Variants in IL5RA observed in about 807,000 individuals in gnomAD.
IL5RA encodes the protein interleukin 5 receptor subunit alpha.
In IL5RA, 49 loss-of-function variants were observed where a neutral mutation model predicts 50.0. The observed-to-expected ratio is 0.98, with a 90% CI of 0.78 to 1.24. The LOEUF (loss-of-function observed/expected upper bound fraction) is 1.24. IL5RA is among the 50% of genes most tolerant of loss of function. IL5RA has a pLI of 0.00. For synonymous variants in IL5RA, 202 were observed against 174.0 expected (o/e 1.16, Z -1.26); for missense variants, 600 against 500.4 (o/e 1.20, Z -1.90).
At chr3:3,100,745 C>G (rs1298687509) in intron 5 of IL5RA, among the ~76,000 whole-genome samples, 1 of 152,150 alleles carries the variant, frequency 6.6e-6, no homozygotes, top group Non-Finnish European at 1.5e-5. Context: ...TTGACGTAAG[C>G]CACATACAAT....
At chr3:3,108,001 T>C (rs17883922) in intron 2 of IL5RA, among the ~76,000 whole-genome samples, 358 of 152,326 alleles carry the variant, frequency 2.4e-3, no homozygotes, top group Middle Eastern at 6.8e-3. Flanking sequence ...ACCCCTGTTT[T>C]TAAAACCTTT....
At chr3:3,096,256 T>C (rs1037926235) in intron 7 of IL5RA, among the ~76,000 whole-genome samples, 4 of 143,544 alleles carry the variant, frequency 2.8e-5, no homozygotes, top group African/African-American at 1.1e-4. Context: ...CCAACCTGGG[T>C]GACAGAGCAA....
intron 9 of IL5RA, among the ~76,000 whole-genome samples, chr3:3,076,887 T>G (rs1334730137): frequency 6.6e-6 from 1 of 152,246 alleles, no homozygotes; most frequent in Non-Finnish European, 1.5e-5. Flanking sequence ...GAATGATTTA[T>G]TCAATCAATC....
rs764519383 is a variant in IL5RA at position 3,102,679 on chromosome 3, T to A, written c.224A>T (p.Asp75Val). The A allele has an allele frequency of 9.1e-5, 145 of 1,584,850 alleles. No individual in the cohort carries two copies. Among genetic ancestry groups the A allele is most frequent in the Non-Finnish European group, 1.1e-4 (129 of 1,160,478 alleles). Reference sequence around the variant, plus strand: ...TCCATTAGAATAAACACTTACGTCATCTTCTTTTGGAGCGTTTATTTTCAC... The same window carrying A: ...TCCATTAGAATAAACACTTACGTCAACTTCTTTTGGAGCGTTTATTTTCAC... ...YQVKINAPKE[D>V]DYETRITESK... The change falls in exon 4 of 12, where the codon GAT (aspartate) becomes GTT (valine). Residue 75 changes from aspartate (D) to valine (V), a missense_variant. Physicochemically the swap from Asp to Val is radical, Grantham distance 152. Transcript: ENST00000446632.
chr3:3,092,744 T>C lies in IL5RA; in HGVS notation c.856-382A>G, dbSNP rs1417562908. 6.6e-6 allele frequency among the ~76,000 whole-genome samples: 1 copy of C among 152,196 alleles called. No homozygotes were observed. Among genetic ancestry groups the C allele is most frequent in the Non-Finnish European group, 1.5e-5 (1 of 68,038 alleles). ...ATAATGTCACATGAACGCTAGATTG[T>C]CTAGTGTTGAAATGAAGCTATTTTC... is the stretch of plus-strand genomic sequence containing the variant. On this transcript the variant is annotated intron_variant, in intron 8 of 11. Transcript: ENST00000446632. The surrounding 1 kb of genome is among the most constrained non-coding windows in gnomAD (Gnocchi z 4.2).
intron 7 of IL5RA, among the ~76,000 whole-genome samples, chr3:3,096,431 T>A (rs1703372046): frequency 6.6e-6 from 1 of 152,174 alleles, no homozygotes; most frequent in Non-Finnish European, 1.5e-5. Context: ...AGTGTCCTTG[T>A]CTTAGGTAAT....
At chr3:3,087,191 C>T (rs763408905) in intron 9 of IL5RA, among the ~76,000 whole-genome samples, 3 of 152,170 alleles carry the variant, frequency 2.0e-5, no homozygotes, top group Non-Finnish European at 4.4e-5. Flanking sequence ...TAACCAAAAA[C>T]CACTTGTACC....
chr3:3,101,938 G>C (rs949907036), intron 4 of IL5RA, 108 bp from the exon 5 acceptor site: 1 of 975,338 alleles, frequency 1.0e-6, no homozygotes, highest in South Asian at 1.9e-5. Context: ...TTAGTAAGAT[G>C]CAATGAAATA....
Position 3,092,154 on chromosome 3 carries a change from T to C in IL5RA, c.994+70A>G. ...ATTTTAAGACCCACGAGTGAACGGG[T>C]ACGTTTCTGGGATTACCTTTTTTGA... is the stretch of plus-strand genomic sequence containing the variant. On this transcript the variant is annotated intron_variant, in intron 9 of 11. Coordinates refer to ENST00000446632, the MANE Select transcript of IL5RA (RefSeq NM_175726.4). The surrounding 1 kb of genome is among the most constrained non-coding windows in gnomAD (Gnocchi z 4.2). 1 of 1,574,390 alleles carries C rather than the reference T, an allele frequency of 6.4e-7. No homozygotes were observed. The highest frequency in any genetic ancestry group is 1.2e-5 in the South Asian group (1 of 84,080).
Position 3,100,918 on chromosome 3 carries a change from G to A in IL5RA, c.367+774C>T, listed in dbSNP as rs187634971. Among the ~76,000 whole-genome samples, 504 of 151,554 alleles carry A rather than the reference G, an allele frequency of 3.3e-3. 9 individuals carry two copies. Among genetic ancestry groups the A allele is most frequent in the African/African-American group, 0.011 (438 of 41,372 alleles). On this transcript the variant is annotated intron_variant, in intron 5 of 11. Transcript: ENST00000446632. ...CCCCAGCACTTTGGGAGGCCGAGGC[G>A]GGTGGATGGCTGGAGGCCAGGAGAT...
chr3:3,082,329 T>A (rs2125960636), intron 9 of IL5RA, among the ~76,000 whole-genome samples: 1 of 152,360 alleles, frequency 6.6e-6, no homozygotes, highest in East Asian at 1.9e-4. Context: ...AGAATACCTT[T>A]CTTGCCATTA....
Position 3,082,023 on chromosome 3 carries a change from G to A in IL5RA, c.995-5396C>T, listed in dbSNP as rs146653542. On this transcript the variant is annotated intron_variant, in intron 9 of 11. Transcript: ENST00000446632. ...GCAAAAGATTTCACATACCTATTGC[G>A]AAGTAGACATTACTTGTGGATTATC... 1.6e-4 allele frequency among the ~76,000 whole-genome samples: 24 copies of A among 152,270 alleles called. No homozygotes were observed. In the East Asian group the frequency reaches 4.4e-3, roughly 28 times the overall value.
chr3:3,109,893 A>G (rs1704104200), intron 1 of IL5RA, 52 bp downstream of exon 1: 1 of 152,276 alleles, frequency 6.6e-6, no homozygotes, highest in South Asian at 2.1e-4. Context: ...CATAGAAAAA[A>G]GATATTTATT....
chr3:3,089,561 G>T (rs75699120), intron 9 of IL5RA, among the ~76,000 whole-genome samples: 2,367 of 152,198 alleles, frequency 0.016, 33 homozygotes, highest in Admixed American at 0.051. Context: ...TCTTCCAATG[G>T]TTGATGAATA....
intron 3 of IL5RA, among the ~76,000 whole-genome samples, chr3:3,104,195 A>G (rs1703794703): frequency 6.6e-6 from 1 of 152,102 alleles, no homozygotes; most frequent in South Asian, 2.1e-4. Flanking sequence ...ATGTGCCACC[A>G]CACCTGGCTA....
At chr3:3,083,044 A>G (rs1347972880) in intron 9 of IL5RA, among the ~76,000 whole-genome samples, 2 of 152,204 alleles carry the variant, frequency 1.3e-5, no homozygotes, top group African/African-American at 2.4e-5. Context: ...TGGCACCAAC[A>G]GGGTTGGATA....
In IL5RA at chr3:3,070,903, A is replaced by AT. The variant is rs565831935; in HGVS notation, c.1177-593dup. Among the ~76,000 whole-genome samples, 420 of 152,050 alleles carry AT rather than the reference A, an allele frequency of 2.8e-3. 2 individuals are homozygous for AT. Among genetic ancestry groups the AT allele is most frequent in the Non-Finnish European group, 4.1e-3 (282 of 67,962 alleles). ...GCCGGATACACATCTTTAAAAATTGATTTTTTTCTCTCTGACATCACTGAT... is the reference window on the plus strand; with the variant it reads ...GCCGGATACACATCTTTAAAAATTGATTTTTTTTCTCTCTGACATCACTGAT... On this transcript the variant is annotated intron_variant, in intron 11 of 11. Transcript: ENST00000446632.
Position 3,104,901 on chromosome 3 carries a change from A to T in IL5RA, c.82+2T>A. 6.3e-7 allele frequency: 1 copy of T among 1,579,352 alleles called. No individual in the cohort carries two copies. The highest frequency in any genetic ancestry group is 8.7e-7 in the Non-Finnish European group (1 of 1,148,860). The stretch of plus-strand genomic sequence containing the variant: ...TTATTGAATTGAATAGAAGGTCCTT[A>T]CTCTTTTCATCAGGAAGTAAGTCAG... On this transcript the variant is annotated splice_donor_variant, in intron 3 of 11. Coordinates refer to ENST00000446632, the MANE Select transcript of IL5RA (RefSeq NM_175726.4). LOFTEE classifies it high-confidence loss of function.
intron 9 of IL5RA, chr3:3,090,000 AAGTGCT>A (rs1703022227): frequency 1.9e-6 from 1 of 518,582 alleles, no homozygotes; most frequent in African/African-American, 2.0e-5. Context: ...TCCAGAGATC[AAGTGCT>A]AGAGTCAGTT....
Sources: allele counts gnomAD v4.1 joint callset (sites outside exome capture counted in the v4.1 genomes callset), GRCh38; gene constraint gnomAD v4.1.1; non-coding constraint Gnocchi (gnomAD v3.1); transcripts MANE v1.5; gene names NCBI Gene and HGNC (gene_info 2026-07-23, HGNC 2026-07-21).